The following SH3PXD2B variants were observed in gnomAD, a reference collection of about 807,000 sequenced individuals.
SH3PXD2B encodes the protein SH3 and PX domain-containing protein 2B.
In SH3PXD2B, 37 loss-of-function variants were observed where a neutral mutation model predicts 73.1. The ratio of observed to expected loss-of-function variants is 0.51; its 90% CI spans 0.39 to 0.67. The LOEUF is 0.67. Among genes scored for constraint, SH3PXD2B ranks in the 30% least tolerant of loss-of-function variants. The pLI is 0.00. For missense variants in SH3PXD2B, 1,053 were observed against 1,197.8 expected (o/e 0.88, Z 1.78); for synonymous variants, 457 against 480.5 (o/e 0.95, Z 0.64).
At chr5:172,397,139 G>A (rs554219048) in intron 3 of SH3PXD2B, among the ~76,000 whole-genome samples, 1 of 152,244 alleles carries the variant, frequency 6.6e-6, no homozygotes, top group South Asian at 2.1e-4. Flanking sequence ...TTCCTAGGGG[G>A]AGGTCTCTGA....
At chr5:172,390,815 TTGTGTG>T (rs56116617) in intron 4 of SH3PXD2B, among the ~76,000 whole-genome samples, 47,668 of 139,656 alleles carry the variant, frequency 0.34, 8,670 homozygotes, top group Non-Finnish European at 0.43. Context: ...TTCCCGTCTT[TTGTGTG>T]TGTGTGTGTG....
chr5:172,436,501 C>T (rs1440903293), intron 1 of SH3PXD2B, among the ~76,000 whole-genome samples: 1 of 152,224 alleles, frequency 6.6e-6, no homozygotes, highest in Non-Finnish European at 1.5e-5. Context: ...ATCCTTTGTT[C>T]TATAGTTAGG....
intron 1 of SH3PXD2B, among the ~76,000 whole-genome samples, chr5:172,443,968 G>C (rs1203984170): frequency 6.6e-6 from 1 of 152,226 alleles, no homozygotes; most frequent in African/African-American, 2.4e-5. Context: ...CTAAGCCTCA[G>C]TTTCCACATT....
intron 1 of SH3PXD2B, among the ~76,000 whole-genome samples, chr5:172,428,269 G>A (rs1199048184): frequency 5.3e-5 from 8 of 152,186 alleles, no homozygotes. Flanking sequence ...TTACAAGATG[G>A]ACAAAACTTA....
intron 5 of SH3PXD2B, among the ~76,000 whole-genome samples, chr5:172,379,757 C>T (rs931815513): frequency 6.6e-6 from 1 of 152,198 alleles, no homozygotes; most frequent in African/African-American, 2.4e-5. Context: ...CAGCTACTCC[C>T]ATTTCACAAT....
rs925653011 is a variant in SH3PXD2B at position 172,431,228 on chromosome 5, C to T, written c.76-8732G>A. Reference sequence around the variant, plus strand: ...GCTGACTGGCTCATGGACACCATCACGTGATCCAAGCCCGGCCAATCAGGT... The same window carrying T: ...GCTGACTGGCTCATGGACACCATCATGTGATCCAAGCCCGGCCAATCAGGT... On this transcript the variant is annotated intron_variant, in intron 1 of 12. Coordinates refer to ENST00000311601, the MANE Select transcript of SH3PXD2B (RefSeq NM_001017995.3). Among the ~76,000 whole-genome samples the T allele has an allele frequency of 4.6e-5, 7 of 152,332 alleles. No individual in the cohort carries two copies. In the East Asian group the frequency reaches 1.2e-3, roughly 25 times the overall value.
downstream of SH3PXD2B, among the ~76,000 whole-genome samples, chr5:172,332,859 C>T (rs1756586755): frequency 6.6e-6 from 1 of 151,932 alleles, no homozygotes; most frequent in African/African-American, 2.4e-5. Context: ...GCTCCACCTC[C>T]CAGGAGCAGA....
chr5:172,348,675 C>G (rs149073308), intron 10 of SH3PXD2B, among the ~76,000 whole-genome samples: 3,058 of 56,698 alleles, frequency 0.054, 139 homozygotes, highest in African/African-American at 0.17. Context: ...ATCTATCTAT[C>G]TATCTATCTA....
In SH3PXD2B at chr5:172,339,663, C is replaced by A; in HGVS notation, c.1442G>T (p.Gly481Val). The A allele has an allele frequency of 6.2e-7, 1 of 1,614,234 alleles. No individual in the cohort carries two copies. The highest frequency in any genetic ancestry group is 8.5e-7 in the Non-Finnish European group (1 of 1,180,046). The change falls in exon 13 of 13, where the codon GGG becomes GTG. Residue 481 changes from glycine (G) to valine (V), a missense_variant. Transcript: ENST00000311601. This position sits in a 1 kb window ranked among gnomAD's most constrained non-coding sequence, Gnocchi z 6.1. ...CTTCCAGTCTTTAGACCATGGCAACCCCGAGTCCATGACACCATGCGGTGC... is the reference window on the plus strand; with the variant it reads ...CTTCCAGTCTTTAGACCATGGCAACACCGAGTCCATGACACCATGCGGTGC... ...PDAPHGVMDSGLPWSKDWKGS... is the reference protein window; with the variant it reads ...PDAPHGVMDSVLPWSKDWKGS...
chr5:172,325,800 A>G (rs1481440364), intron 12 of SH3PXD2B, among the ~76,000 whole-genome samples: 3 of 150,962 alleles, frequency 2.0e-5, no homozygotes, highest in African/African-American at 4.9e-5. Flanking sequence ...TTGTTTTTTG[A>G]GACAGCGTTT....
intron 2 of SH3PXD2B, among the ~76,000 whole-genome samples, chr5:172,410,986 G>A (rs1382812505): frequency 1.1e-4 from 16 of 152,186 alleles, no homozygotes. Flanking sequence ...ACTCTTTGAG[G>A]CAGCTTCAGA....
chr5:172,327,652 G>A (rs1250567510), intron 12 of SH3PXD2B, among the ~76,000 whole-genome samples: 1 of 152,000 alleles, frequency 6.6e-6, no homozygotes, highest in East Asian at 1.9e-4. Context: ...ACAGTGGTAT[G>A]ATTATAACTC....
At chr5:172,434,369 T>C (rs892103738) in intron 1 of SH3PXD2B, among the ~76,000 whole-genome samples, 1 of 152,142 alleles carries the variant, frequency 6.6e-6, no homozygotes, top group African/African-American at 2.4e-5. Context: ...CCGGCACCCC[T>C]GGGTTAGCTG....
intron 1 of SH3PXD2B, among the ~76,000 whole-genome samples, chr5:172,437,391 C>T (rs930551087): frequency 2.0e-5 from 3 of 152,284 alleles, no homozygotes; most frequent in Admixed American, 6.5e-5. Flanking sequence ...TTCCCAACAC[C>T]CCAGGGCAGC....
Position 172,336,919 on chromosome 5 carries a change from GA to G in SH3PXD2B, c.*1449del, listed in dbSNP as rs1006693135. On this transcript the variant is annotated 3_prime_UTR_variant, in exon 13 of 13. Coordinates refer to ENST00000311601, the MANE Select transcript of SH3PXD2B (RefSeq NM_001017995.3). ...ACAGATTTGGCAGTGCGTGAAAAAA[GA>G]AAAAAACATTACAAATGCCGGAGAG... The G allele has an allele frequency of 4.4e-5, 43 of 985,306 alleles. No individual in the cohort carries two copies. The highest frequency in any genetic ancestry group is 5.2e-4 in the Middle Eastern group (1 of 1,936). 61.0% of individuals were successfully genotyped at this position (985,306 alleles called of 1,614,324 possible).
chr5:172,427,377 G>C lies in SH3PXD2B; in HGVS notation c.76-4881C>G, dbSNP rs765005859. 5.9e-5 allele frequency among the ~76,000 whole-genome samples: 9 copies of C among 152,108 alleles called. No homozygotes were observed. The South Asian group carries it at 1.5e-3, about 25-fold the overall frequency. ...TTTCATTCTTCTGAGATGAGGTCTC[G>C]CTCTGTCACCCAGGGTGGAGTATGG... On this transcript the variant is annotated intron_variant, in intron 1 of 12. Transcript: ENST00000311601.
chr5:172,395,360 C>T (rs1174513053), intron 3 of SH3PXD2B, among the ~76,000 whole-genome samples: 2 of 152,200 alleles, frequency 1.3e-5, no homozygotes, highest in Non-Finnish European at 2.9e-5. Context: ...CCTTCCAGTT[C>T]CTTCCCCAGT....
intron 3 of SH3PXD2B, among the ~76,000 whole-genome samples, chr5:172,401,884 T>C (rs1163816450): frequency 2.6e-5 from 4 of 152,140 alleles, no homozygotes; most frequent in African/African-American, 7.2e-5. Flanking sequence ...GCTGAGGATG[T>C]ATGTCGCCTC....
chr5:172,416,608 G>A (rs1758825067), intron 2 of SH3PXD2B, among the ~76,000 whole-genome samples: 2 of 147,386 alleles, frequency 1.4e-5, no homozygotes, highest in Admixed American at 6.8e-5. Flanking sequence ...TTACAGGCGT[G>A]AGCCACTGCG....
Sources: gnomAD v4.1 joint callset for allele counts (sites outside exome capture counted in the v4.1 genomes callset) on GRCh38, gnomAD v4.1.1 for gene constraint, Gnocchi (gnomAD v3.1) non-coding constraint, MANE v1.5 for transcripts, NCBI Gene and HGNC (gene_info 2026-07-23, HGNC 2026-07-21) for gene names.